Variants in ABCB11 observed in about 807,000 individuals in gnomAD.
The protein encoded by ABCB11 is bile salt export pump.
Under a neutral mutation model 148.0 loss-of-function variants are expected in ABCB11, and 95 were observed. That is an observed-to-expected ratio of 0.64 (90% CI 0.54 to 0.76). The LOEUF is 0.76. ABCB11 is among the 30% of genes least tolerant of loss of function. ABCB11 has a pLI of 0.00. For synonymous variants in ABCB11, 591 were observed against 555.4 expected, an observed-to-expected ratio of 1.06 and a Z score of -0.90; for missense variants, 1,523 against 1,617.8, an observed-to-expected ratio of 0.94 and a Z score of 1.01.
chr2:168,980,026 A>C lies in ABCB11; in HGVS notation c.1084-47T>G, dbSNP rs768516740. The C allele has an allele frequency of 6.2e-6, 7 of 1,125,274 alleles. No individual in the cohort carries two copies. In the Admixed American group the frequency reaches 7.1e-5, roughly 11 times the overall value. The allele number at this position is 1,125,274 out of a possible 1,614,324, so 69.7% of individuals were successfully genotyped here. A position where few individuals can be genotyped will look rare whatever the true frequency, so the allele number is the denominator to read the frequency against. On this transcript the variant is annotated intron_variant, in intron 10 of 27. Transcript: ENST00000650372. ...TTTTCATGTGTTTTTGTTAATGTGT[A>C]AATAGTAATTACTATCATTTGGGTC...
intron 12 of ABCB11, among the ~76,000 whole-genome samples, chr2:168,975,560 T>TA: frequency 1.6e-5 from 2 of 128,266 alleles, no homozygotes; most frequent in Non-Finnish European, 3.1e-5. Context: ...TACATAAATA[T>TA]TTTTATATTT....
In ABCB11 at chr2:168,935,614, A is replaced by C. The variant is rs73016686; in HGVS notation, c.2815-189T>G. 0.088 allele frequency among the ~76,000 whole-genome samples: 13,316 copies of C among 152,122 alleles called. 1,912 individuals carry two copies. The highest frequency in any genetic ancestry group is 0.3 in the African/African-American group (12,426 of 41,370). ...GGACCACGAGACAATTTTTCAGTTA[A>C]ATTCAAGTTTCCCTTAATTCTTATA... On this transcript the variant is annotated intron_variant, in intron 22 of 27. Transcript: ENST00000650372.
rs920335166 is a variant in ABCB11, at chr2:168,931,967, G to A, written c.3213+410C>T. On this transcript the variant is annotated intron_variant, in intron 24 of 27. Coordinates refer to ENST00000650372, the MANE Select transcript of ABCB11 (RefSeq NM_003742.4). Reference sequence around the variant, plus strand: ...TAATGGCTGTCCTGCACACACATACGCACAACCTTACCCCTCATCAATACT... The same window carrying A: ...TAATGGCTGTCCTGCACACACATACACACAACCTTACCCCTCATCAATACT... Among the ~76,000 whole-genome samples, 23 of 152,070 alleles carry A rather than the reference G, an allele frequency of 1.5e-4. 1 individual carries two copies. The highest frequency in any genetic ancestry group is 3.4e-3 in the Middle Eastern group (1 of 294).
chr2:168,950,179 A>ATT (rs1452660068), intron 19 of ABCB11, among the ~76,000 whole-genome samples: 1 of 150,792 alleles, frequency 6.6e-6, no homozygotes, highest in Non-Finnish European at 1.5e-5. Context: ...AAAATAGGAT[A>ATT]TATATCCTAT....
chr2:168,971,110 C>CA (rs1433832562), intron 14 of ABCB11, among the ~76,000 whole-genome samples: 2 of 100,054 alleles, frequency 2.0e-5, no homozygotes, highest in East Asian at 9.0e-4. Flanking sequence ...CTTGTCTTTA[C>CA]CATTTACTTG....
intron 12 of ABCB11, 98 bp downstream of exon 12, chr2:168,976,479 A>G: frequency 1.5e-6 from 1 of 667,994 alleles, no homozygotes. Context: ...ATTACTGGAA[A>G]CAGAGTCAGG....
chr2:168,966,559 C>A (rs903329231), intron 17 of ABCB11, among the ~76,000 whole-genome samples: 7 of 151,792 alleles, frequency 4.6e-5, no homozygotes, highest in Non-Finnish European at 1.0e-4. Context: ...CTTCTCACTG[C>A]AAATAAAAAC....
downstream of ABCB11, among the ~76,000 whole-genome samples, chr2:168,919,291 ACCTAGAG>A (rs1476842533): frequency 6.6e-6 from 1 of 152,042 alleles, no homozygotes; most frequent in Non-Finnish European, 1.5e-5. Context: ...TTTTCTTTCC[ACCTAGAG>A]CTAATAGCTA....
At chr2:168,988,201 T>A (rs1298305740) in intron 9 of ABCB11, among the ~76,000 whole-genome samples, 1 of 152,106 alleles carries the variant, frequency 6.6e-6, no homozygotes. Context: ...TCATTATTTT[T>A]AAAATATCTC....
chr2:169,026,266 A>T (rs1245367708), intron 1 of ABCB11, among the ~76,000 whole-genome samples: 2 of 152,178 alleles, frequency 1.3e-5, no homozygotes, highest in Non-Finnish European at 2.9e-5. Context: ...TTTCTTTCTC[A>T]GCATCAAGTG....
intron 5 of ABCB11, among the ~76,000 whole-genome samples, chr2:169,007,410 C>T (rs1045789863): frequency 1.3e-5 from 2 of 152,104 alleles, no homozygotes; most frequent in Non-Finnish European, 2.9e-5. Context: ...TAAAGAAATA[C>T]CTGAGACTGG....
chr2:168,989,581 G>A (rs1379439865), intron 9 of ABCB11, among the ~76,000 whole-genome samples: 1 of 152,038 alleles, frequency 6.6e-6, no homozygotes, highest in Non-Finnish European at 1.5e-5. Context: ...TTGAGATCAG[G>A]TAACGTGATG....
intron 5 of ABCB11, among the ~76,000 whole-genome samples, chr2:169,006,562 A>G (rs1045424440): frequency 3.5e-5 from 4 of 112,704 alleles, no homozygotes; most frequent in African/African-American, 1.5e-4. Context: ...ATAAGATAAA[A>G]TAAAATAAAA....
At chr2:168,953,940 C>T (rs769635275) in intron 19 of ABCB11, among the ~76,000 whole-genome samples, 10 of 151,630 alleles carry the variant, frequency 6.6e-5, no homozygotes, top group Non-Finnish European at 1.3e-4. Flanking sequence ...CCAGACCAAA[C>T]CAATGTTCAC....
At chr2:169,009,509 A>C (rs1263697213) in intron 5 of ABCB11, among the ~76,000 whole-genome samples, 2 of 145,108 alleles carry the variant, frequency 1.4e-5, no homozygotes, top group African/African-American at 5.1e-5. Flanking sequence ...GTTCTCACTC[A>C]TAGGTGGGAA....
At chr2:168,988,969 T>C (rs1305406437) in intron 9 of ABCB11, among the ~76,000 whole-genome samples, 8 of 152,150 alleles carry the variant, frequency 5.3e-5, no homozygotes, top group Non-Finnish European at 1.0e-4. Context: ...TTGACCACTT[T>C]TTAATCAGGT....
intron 13 of ABCB11, among the ~76,000 whole-genome samples, chr2:168,972,588 T>G (rs1693631357): frequency 6.6e-6 from 1 of 152,048 alleles, no homozygotes; most frequent in African/African-American, 2.4e-5. Flanking sequence ...AAACTATGAT[T>G]TCTATATATT....
intron 1 of ABCB11, among the ~76,000 whole-genome samples, 180 bp downstream of exon 1, chr2:169,031,045 G>C (rs1170531156): frequency 6.6e-6 from 1 of 152,198 alleles, no homozygotes; most frequent in Non-Finnish European, 1.5e-5. Context: ...AGAGTCATCT[G>C]TATTGTATAC....
chr2:169,007,234 G>C (rs946880054), intron 5 of ABCB11, among the ~76,000 whole-genome samples: 2 of 151,908 alleles, frequency 1.3e-5, no homozygotes, highest in Non-Finnish European at 2.9e-5. Flanking sequence ...TAAGGATTCT[G>C]AGATTAATCA....
Sources: allele counts gnomAD v4.1 joint callset (sites outside exome capture counted in the v4.1 genomes callset), GRCh38; gene constraint gnomAD v4.1.1; transcripts MANE v1.5; gene names NCBI Gene and HGNC (gene_info 2026-07-23, HGNC 2026-07-21).